Variants in USP12 observed in about 807,000 individuals in gnomAD.
USP12 encodes ubiquitin specific peptidase 12, also known as ubiquitin carboxyl-terminal hydrolase 12.
Under a neutral mutation model 45.5 loss-of-function variants are expected in USP12, and 19 were observed. That is an observed-to-expected ratio of 0.42 (90% CI 0.29 to 0.61). USP12 has a LOEUF of 0.61. Among genes scored for constraint, USP12 ranks in the 20% least tolerant of loss-of-function variants. The pLI is 0.22. For missense variants in USP12, 242 were observed against 447.7 expected, an observed-to-expected ratio of 0.54 and a Z score of 4.15; for synonymous variants, 149 against 148.8, an observed-to-expected ratio of 1.00 and a Z score of -0.01.
At chr13:27,140,128 C>G (rs1425246511) in intron 1 of USP12, among the ~76,000 whole-genome samples, 1 of 150,998 alleles carries the variant, frequency 6.6e-6, no homozygotes, top group Non-Finnish European at 1.5e-5. Context: ...ATTCTAATCC[C>G]CAAAATAGTT....
At chr13:27,131,912 A>G (rs952926062) in intron 1 of USP12, among the ~76,000 whole-genome samples, 7 of 152,314 alleles carry the variant, frequency 4.6e-5, no homozygotes, top group Non-Finnish European at 7.3e-5. Flanking sequence ...TGCTTTTGCA[A>G]GAAGAGAAAT....
At chr13:27,077,097 T>C (rs1185496476) in intron 6 of USP12, 1 of 152,182 alleles carries the variant, frequency 6.6e-6, no homozygotes, top group African/African-American at 2.4e-5. Flanking sequence ...AATTCAAACA[T>C]AACCGAGTGT....
intron 8 of USP12, among the ~76,000 whole-genome samples, chr13:27,070,660 T>C (rs1873207433): frequency 6.6e-6 from 1 of 152,054 alleles, no homozygotes; most frequent in African/African-American, 2.4e-5. Context: ...TTCAAGCGCT[T>C]CTCCTGCCTC....
chr13:27,142,305 A>G (rs1214702352), intron 1 of USP12, among the ~76,000 whole-genome samples: 1 of 152,218 alleles, frequency 6.6e-6, no homozygotes, highest in Non-Finnish European at 1.5e-5. Context: ...AAAAATGTCC[A>G]AGTCGATAAA....
At chr13:27,078,567 G>A (rs999729106) in intron 6 of USP12, among the ~76,000 whole-genome samples, 5 of 151,640 alleles carry the variant, frequency 3.3e-5, no homozygotes, top group African/African-American at 9.7e-5. Context: ...AAAGAAGGAT[G>A]GGAAAAGACA....
intron 1 of USP12, among the ~76,000 whole-genome samples, chr13:27,140,224 G>A (rs1876996105): frequency 6.6e-6 from 1 of 152,168 alleles, no homozygotes; most frequent in Admixed American, 6.5e-5. Flanking sequence ...AAGATGTTGT[G>A]TAGTGACTGG....
rs745761242 is a variant in USP12, at chr13:27,096,068, AC to A, written c.344-239del. ...TAATTGATCCTGAGAAAAGGGCAAAACCTATCCTTATATATTGGCATAACAG... is the reference window on the plus strand; with the variant it reads ...TAATTGATCCTGAGAAAAGGGCAAAACTATCCTTATATATTGGCATAACAG... On this transcript the variant is annotated intron_variant, in intron 3 of 8. Coordinates refer to ENST00000282344, the MANE Select transcript of USP12 (RefSeq NM_182488.4). Among the ~76,000 whole-genome samples the A allele has an allele frequency of 2.0e-5, 3 of 152,224 alleles. No individual in the cohort carries two copies. The East Asian group carries it at 5.8e-4, about 29-fold the overall frequency.
chr13:27,080,857 A>AAAAG (rs1873722196), intron 6 of USP12, among the ~76,000 whole-genome samples: 1 of 152,202 alleles, frequency 6.6e-6, no homozygotes, highest in Non-Finnish European at 1.5e-5. Context: ...AAAAGTCCAT[A>AAAAG]TCTTAATTTA....
chr13:27,067,515 T>C lies in USP12; in HGVS notation c.*1768A>G, dbSNP rs1037489186. ...ACTTGTCAAAATACTTTTTGATATTTTGTACAAATACTAAATATTATAATT... is the reference window on the plus strand; with the variant it reads ...ACTTGTCAAAATACTTTTTGATATTCTGTACAAATACTAAATATTATAATT... On this transcript the variant is annotated 3_prime_UTR_variant, in exon 9 of 9. Coordinates refer to ENST00000282344, the MANE Select transcript of USP12 (RefSeq NM_182488.4). The C allele has an allele frequency of 2.6e-5, 4 of 152,216 alleles. No homozygotes were observed. The highest frequency in any genetic ancestry group is 4.8e-5 in the African/African-American group (2 of 41,456). The allele number at this position is 152,216 out of a possible 1,614,324, so 9.4% of individuals were successfully genotyped here.
chr13:27,125,669 A>C (rs1392458444), intron 1 of USP12, among the ~76,000 whole-genome samples: 1 of 152,184 alleles, frequency 6.6e-6, no homozygotes, highest in African/African-American at 2.4e-5. Flanking sequence ...TCACCCGGGA[A>C]GCGCAAGGGG....
rs1375684001 is a variant in USP12 at position 27,068,051 on chromosome 13, G to T, written c.*1232C>A. On this transcript the variant is annotated 3_prime_UTR_variant, in exon 9 of 9. Coordinates refer to ENST00000282344, the MANE Select transcript of USP12 (RefSeq NM_182488.4). ...GGAAGGACTTGTCTTTTGTATTCCC[G>T]GTCTACTTGATTAAAATTTAATCTT... 1 of 152,068 alleles carries T rather than the reference G, an allele frequency of 6.6e-6. No individual in the cohort carries two copies. Among genetic ancestry groups the T allele is most frequent in the Non-Finnish European group, 1.5e-5 (1 of 68,008 alleles). 9.4% of individuals were successfully genotyped at this position (152,068 alleles called of 1,614,324 possible).
At chr13:27,163,794 AAAAAG>A (rs1403151789) in intron 1 of USP12, among the ~76,000 whole-genome samples, 2 of 151,076 alleles carry the variant, frequency 1.3e-5, no homozygotes, top group Non-Finnish European at 3.0e-5. Context: ...AAGAAAAAAA[AAAAAG>A]AAAAGAAGCT....
intron 6 of USP12, among the ~76,000 whole-genome samples, chr13:27,088,142 C>T (rs985597362): frequency 1.3e-5 from 2 of 152,174 alleles, no homozygotes; most frequent in Non-Finnish European, 2.9e-5. Flanking sequence ...TGCTTGCGGC[C>T]GGGCGCAGTG....
intron 1 of USP12, among the ~76,000 whole-genome samples, chr13:27,167,604 A>T (rs534751171): frequency 2.9e-4 from 44 of 152,132 alleles, no homozygotes; most frequent in Admixed American, 5.2e-4. Context: ...CAGCAAAATT[A>T]GATAAGTAAA....
chr13:27,099,511 T>C (rs1874763233), intron 3 of USP12, among the ~76,000 whole-genome samples: 2 of 152,182 alleles, frequency 1.3e-5, no homozygotes, highest in South Asian at 4.1e-4. Context: ...ATGTCTAGTC[T>C]GTTCCATTTC....
chr13:27,112,709 C>T (rs1875514111), intron 2 of USP12, among the ~76,000 whole-genome samples: 2 of 152,188 alleles, frequency 1.3e-5, no homozygotes, highest in African/African-American at 4.8e-5. Context: ...ATGATGCCAT[C>T]AACCCTTTGA....
intron 1 of USP12, among the ~76,000 whole-genome samples, chr13:27,169,632 A>G (rs1878494823): frequency 6.6e-6 from 1 of 152,194 alleles, no homozygotes; most frequent in Admixed American, 6.5e-5. Context: ...TCTGGATGGA[A>G]GCCCTAGAAA....
rs1443674508 is a variant in USP12, at chr13:27,129,444, C to T, written c.49-12848G>A. ...GTGTCACTCTAAAGCTATGCGTAGG[C>T]CAGGTGCAGTGGTTCATGCCCATAA... is the stretch of plus-strand genomic sequence containing the variant. On this transcript the variant is annotated intron_variant, in intron 1 of 8. Coordinates refer to ENST00000282344, the MANE Select transcript of USP12 (RefSeq NM_182488.4). The surrounding 1 kb of genome is among the most constrained non-coding windows in gnomAD (Gnocchi z 4.0). 6.6e-6 allele frequency among the ~76,000 whole-genome samples: 1 copy of T among 152,194 alleles called. No homozygotes were observed. The highest frequency in any genetic ancestry group is 6.5e-5 in the Admixed American group (1 of 15,282).
chr13:27,143,578 A>T (rs1877169336), intron 1 of USP12, among the ~76,000 whole-genome samples: 1 of 152,200 alleles, frequency 6.6e-6, no homozygotes, highest in African/African-American at 2.4e-5. Context: ...AATCCCTCAG[A>T]TTACATGGTA....
Sources: allele counts gnomAD v4.1 joint callset (sites outside exome capture counted in the v4.1 genomes callset), GRCh38; gene constraint gnomAD v4.1.1; non-coding constraint Gnocchi (gnomAD v3.1); transcripts MANE v1.5; gene names NCBI Gene and HGNC (gene_info 2026-07-23, HGNC 2026-07-21).